The following AMN1 variants were observed in gnomAD, a reference collection of about 807,000 sequenced individuals.
The protein encoded by AMN1 is antagonist of mitotic exit network 1 homolog.
In AMN1, 20 loss-of-function variants were observed where a neutral mutation model predicts 33.0. That is an observed-to-expected ratio of 0.61 (90% CI 0.43 to 0.88). The LOEUF is 0.88. Among genes scored for constraint, AMN1 ranks in the 40% least tolerant of loss-of-function variants. The pLI, the probability that AMN1 is intolerant of heterozygous loss-of-function variation, is 0.00. For missense variants in AMN1, 246 were observed against 307.4 expected (o/e 0.80, Z 1.49); for synonymous variants, 114 against 111.9 (o/e 1.02, Z -0.12).
chr12:31,728,380 C>T (rs1248298223), intron 1 of AMN1, among the ~76,000 whole-genome samples: 1 of 152,104 alleles, frequency 6.6e-6, no homozygotes, highest in Non-Finnish European at 1.5e-5. Flanking sequence ...AAATTTATCC[C>T]TCAGGACAAC....
chr12:31,680,704 C>T (rs896126047), intron 6 of AMN1, among the ~76,000 whole-genome samples: 1 of 152,156 alleles, frequency 6.6e-6, no homozygotes, highest in African/African-American at 2.4e-5. Context: ...TGGGAAATTA[C>T]AGTGAGCAGT....
intron 1 of AMN1, among the ~76,000 whole-genome samples, chr12:31,709,909 A>C (rs1353952620): frequency 6.6e-6 from 1 of 152,186 alleles, no homozygotes; most frequent in Non-Finnish European, 1.5e-5. Flanking sequence ...GTCTGTGTTA[A>C]ATTACGGACA....
chr12:31,683,914 C>T lies in AMN1; in HGVS notation c.703+5093G>A, dbSNP rs1290541419. ...GAAAACAAATGACAGAATTTGTTGT[C>T]AGTGATAAAGCTTTAGCTTTCAAGT... On this transcript the variant is annotated intron_variant, in intron 6 of 6. Transcript: ENST00000281471. The surrounding 1 kb of genome is among the most constrained non-coding windows in gnomAD (Gnocchi z 4.1). 6.6e-6 allele frequency among the ~76,000 whole-genome samples: 1 copy of T among 152,154 alleles called. No individual in the cohort carries two copies. Among genetic ancestry groups the T allele is most frequent in the African/African-American group, 2.4e-5 (1 of 41,440 alleles).
chr12:31,674,147 G>A (rs753044129), intron 6 of AMN1, among the ~76,000 whole-genome samples: 6 of 151,960 alleles, frequency 3.9e-5, no homozygotes, highest in Admixed American at 6.6e-5. Flanking sequence ...GGTGGCTCAC[G>A]CCTGCAATCC....
At chr12:31,676,513 G>C (rs1336018270) in intron 6 of AMN1, among the ~76,000 whole-genome samples, 2 of 151,050 alleles carry the variant, frequency 1.3e-5, no homozygotes, top group East Asian at 2.0e-4. Context: ...TAGTAGAGAT[G>C]GGGTTTCACC....
At chr12:31,690,323 G>T (rs1938447276) in intron 5 of AMN1, among the ~76,000 whole-genome samples, 1 of 152,182 alleles carries the variant, frequency 6.6e-6, no homozygotes, top group African/African-American at 2.4e-5. Context: ...GTTATTTAAA[G>T]AATTTCCACA....
At chr12:31,675,330 G>A (rs1951364156) in intron 6 of AMN1, among the ~76,000 whole-genome samples, 1 of 151,612 alleles carries the variant, frequency 6.6e-6, no homozygotes, top group South Asian at 2.1e-4. Context: ...TGAGGTAGGA[G>A]GATCCAATTG....
chr12:31,697,851 C>G lies in AMN1; in HGVS notation c.423G>C (p.Gln141His), dbSNP rs372725915. The G allele has an allele frequency of 2.2e-5, 35 of 1,613,888 alleles. No homozygotes were observed. Among genetic ancestry groups the G allele is most frequent in the Non-Finnish European group, 2.9e-5 (34 of 1,179,878 alleles). ...EGVVALALNC[Q>H]LLKIIDLGGC... is the part of the protein sequence containing the mutation. Reference sequence around the variant, plus strand: ...CACCTAAATCGATGATCTTTAGCAGCTGGCAATTGAGTGCAAGAGCAACGA... The same window carrying G: ...CACCTAAATCGATGATCTTTAGCAGGTGGCAATTGAGTGCAAGAGCAACGA... The change falls in exon 4 of 7, where the codon CAG (glutamine) becomes CAC (histidine). Residue 141 changes from glutamine (Q) to histidine (H), a missense_variant. Gln to His is a conservative substitution (Grantham distance 24). Coordinates refer to ENST00000281471, the MANE Select transcript of AMN1 (RefSeq NM_001113402.2).
chr12:31,704,095 A>G (rs1387193629), intron 2 of AMN1, among the ~76,000 whole-genome samples: 1 of 152,190 alleles, frequency 6.6e-6, no homozygotes, highest in Non-Finnish European at 1.5e-5. Flanking sequence ...ACAGGAAGTA[A>G]ATTGTTGAAT....
At chr12:31,674,555 C>T (rs1951346953) in intron 6 of AMN1, among the ~76,000 whole-genome samples, 1 of 152,098 alleles carries the variant, frequency 6.6e-6, no homozygotes, top group Admixed American at 6.5e-5. Flanking sequence ...TAAAAATCAA[C>T]TGATTAGCAA....
At chr12:31,719,314 T>C in intron 1 of AMN1, 1 of 980,080 alleles carries the variant, frequency 1.0e-6, no homozygotes, top group Non-Finnish European at 1.2e-6. Flanking sequence ...GGAAGTGACC[T>C]CCCAATTTCT....
At chr12:31,727,467 T>C (rs1428665453) in intron 1 of AMN1, among the ~76,000 whole-genome samples, 1 of 152,240 alleles carries the variant, frequency 6.6e-6, no homozygotes, top group Non-Finnish European at 1.5e-5. Flanking sequence ...GTCTCACTAC[T>C]GTGCTATTCA....
At chr12:31,712,886 C>G (rs955846757) in intron 1 of AMN1, among the ~76,000 whole-genome samples, 2 of 152,102 alleles carry the variant, frequency 1.3e-5, no homozygotes, top group Non-Finnish European at 2.9e-5. Flanking sequence ...AAACTCCTGA[C>G]CTCGTGATCC....
intron 2 of AMN1, among the ~76,000 whole-genome samples, chr12:31,704,444 C>T (rs1565775320): frequency 6.7e-6 from 1 of 149,790 alleles, no homozygotes; most frequent in Admixed American, 6.7e-5. Flanking sequence ...TAAAAAAGCC[C>T]CTAGATTTTC....
chr12:31,704,537 T>C (rs190792692), intron 2 of AMN1, among the ~76,000 whole-genome samples: 34 of 152,176 alleles, frequency 2.2e-4, no homozygotes, highest in Admixed American at 5.9e-4. Flanking sequence ...TCTGTATTTT[T>C]ATGTAATCAA....
At chr12:31,684,832 C>T (rs1938181697) in intron 6 of AMN1, among the ~76,000 whole-genome samples, 1 of 151,842 alleles carries the variant, frequency 6.6e-6, no homozygotes, top group Non-Finnish European at 1.5e-5. Context: ...AAAAATACTA[C>T]CAGAAAGTAT....
At chr12:31,699,452 AAAAC>A (rs1247410397) in intron 3 of AMN1, among the ~76,000 whole-genome samples, 4 of 151,534 alleles carry the variant, frequency 2.6e-5, no homozygotes, top group African/African-American at 9.7e-5. Context: ...GGAAGAAGAA[AAAAC>A]AAACAAAAAA....
chr12:31,693,011 T>G (rs1449530983), intron 5 of AMN1, among the ~76,000 whole-genome samples: 1 of 152,216 alleles, frequency 6.6e-6, no homozygotes, highest in South Asian at 2.1e-4. Flanking sequence ...ACGATCATGA[T>G]ATTTGCTAAA....
intron 5 of AMN1, among the ~76,000 whole-genome samples, chr12:31,697,149 T>G (rs1463664238): frequency 6.6e-6 from 1 of 152,174 alleles, no homozygotes; most frequent in Non-Finnish European, 1.5e-5. Flanking sequence ...AGGCCTTTTA[T>G]TGGAAGTAAA....
Sources: gnomAD v4.1 joint callset for allele counts (sites outside exome capture counted in the v4.1 genomes callset) on GRCh38, gnomAD v4.1.1 for gene constraint, Gnocchi (gnomAD v3.1) non-coding constraint, MANE v1.5 for transcripts, NCBI Gene and HGNC (gene_info 2026-07-23, HGNC 2026-07-21) for gene names.